KLF12: variants seen among roughly 807,000 people sequenced by gnomAD.
KLF12 encodes KLF transcription factor 12.
In KLF12, 9 loss-of-function variants were observed where a neutral mutation model predicts 37.8. The ratio of observed to expected loss-of-function variants is 0.24; its 90% confidence interval spans 0.14 to 0.42. KLF12 has a LOEUF of 0.42. KLF12 is among the 10% of genes least tolerant of loss of function. KLF12 has a pLI of 1.00. For synonymous variants in KLF12, 208 were observed against 202.1 expected, an observed-to-expected ratio of 1.03 and a Z score of -0.25; for missense variants, 411 against 516.0, an observed-to-expected ratio of 0.80 and a Z score of 1.97.
chr13:74,026,875 C>G (rs994361363), intron 1 of KLF12, among the ~76,000 whole-genome samples: 1 of 152,174 alleles, frequency 6.6e-6, no homozygotes, highest in Non-Finnish European at 1.5e-5. Flanking sequence ...GCTAGTCCCA[C>G]GGTGAAGTCA....
Position 73,994,997 on chromosome 13 carries a change from GT to G in KLF12, c.25del (p.Thr9GlnfsTer2). On this transcript the variant is annotated frameshift_variant, in exon 2 of 8. Coordinates refer to ENST00000377669, the MANE Select transcript of KLF12 (RefSeq NM_007249.5). LOFTEE classifies it high-confidence loss of function. ...AACATCTGACTAACCAACCTTTATT[GT>G]TTTTCTCTTCATATGGATATTCATT... 6.3e-7 allele frequency: 1 copy of G among 1,599,912 alleles called. No homozygotes were observed. Among genetic ancestry groups the G allele is most frequent in the Admixed American group, 1.7e-5 (1 of 59,694 alleles).
intron 4 of KLF12, among the ~76,000 whole-genome samples, chr13:73,815,953 T>C (rs1164601137): frequency 6.6e-6 from 1 of 152,232 alleles, no homozygotes; most frequent in African/African-American, 2.4e-5. Context: ...ATATGTTAAA[T>C]ATGATATCTT....
chr13:74,205,178 T>C, the KLF12 span, among the ~76,000 whole-genome samples: 3 of 152,108 alleles, frequency 2.0e-5, no homozygotes, highest in East Asian at 3.9e-4. Context: ...CCTAAGGACA[T>C]AGACTGATAG....
intron 3 of KLF12, among the ~76,000 whole-genome samples, chr13:73,930,593 G>A (rs1175579163): frequency 2.6e-5 from 4 of 152,208 alleles, no homozygotes; most frequent in Admixed American, 1.3e-4. Context: ...GTTTTTAGTA[G>A]TTCATGTTTA....
chr13:74,141,251 T>C, the KLF12 span, among the ~76,000 whole-genome samples: 1 of 152,214 alleles, frequency 6.6e-6, no homozygotes, highest in African/African-American at 2.4e-5. Flanking sequence ...CGATCTTATA[T>C]TTCATTCCTT....
chr13:73,806,113 TTTC>T (rs1165317171), intron 5 of KLF12, among the ~76,000 whole-genome samples: 10 of 103,876 alleles, frequency 9.6e-5, no homozygotes, highest in Admixed American at 3.6e-4. Context: ...TTTTTTTTTC[TTTC>T]TTTTTTTTTT....
intron 2 of KLF12, among the ~76,000 whole-genome samples, chr13:73,976,719 T>A (rs1265795440): frequency 1.3e-5 from 2 of 152,220 alleles, no homozygotes; most frequent in Non-Finnish European, 2.9e-5. Flanking sequence ...GGAGGATGTA[T>A]GTTAAAGTCA....
At chr13:73,898,990 A>C (rs1184012882) in intron 3 of KLF12, among the ~76,000 whole-genome samples, 1 of 152,212 alleles carries the variant, frequency 6.6e-6, no homozygotes, top group Non-Finnish European at 1.5e-5. Context: ...ACTGCAGCAG[A>C]AAGAGGCAAT....
At chr13:74,188,175 T>C in the KLF12 span, among the ~76,000 whole-genome samples, 8 of 152,176 alleles carry the variant, frequency 5.3e-5, no homozygotes, top group Admixed American at 6.5e-5. Context: ...TACCTGATTC[T>C]TAGATAAGTT....
chr13:73,793,197 T>C (rs960328706), intron 5 of KLF12, among the ~76,000 whole-genome samples: 17 of 152,320 alleles, frequency 1.1e-4, no homozygotes, highest in African/African-American at 4.1e-4. Flanking sequence ...ATTCACCATC[T>C]CAAGGATCTC....
At chr13:73,828,570 C>T (rs1016456366) in intron 4 of KLF12, among the ~76,000 whole-genome samples, 5 of 152,150 alleles carry the variant, frequency 3.3e-5, no homozygotes, top group Non-Finnish European at 7.3e-5. Context: ...ATTCACACCA[C>T]CCTGCTCAGG....
chr13:74,220,461 A>G, the KLF12 span, among the ~76,000 whole-genome samples: 1 of 152,230 alleles, frequency 6.6e-6, no homozygotes, highest in African/African-American at 2.4e-5. Flanking sequence ...TGATATATGT[A>G]TACAAAGTGG....
the KLF12 span, among the ~76,000 whole-genome samples, chr13:74,261,796 G>GA: frequency 6.6e-6 from 1 of 152,136 alleles, no homozygotes; most frequent in African/African-American, 2.4e-5. Context: ...CTATCTTTCT[G>GA]AAAAAATATG....
intron 5 of KLF12, among the ~76,000 whole-genome samples, chr13:73,770,444 A>G (rs1055429083): frequency 3.3e-5 from 5 of 152,182 alleles, no homozygotes; most frequent in African/African-American, 1.2e-4. Flanking sequence ...TTTATACTAA[A>G]ATTTCTCTCA....
intron 3 of KLF12, among the ~76,000 whole-genome samples, chr13:73,871,414 T>C (rs936117992): frequency 6.6e-6 from 1 of 152,154 alleles, no homozygotes; most frequent in Non-Finnish European, 1.5e-5. Flanking sequence ...TCCTGTACCA[T>C]ACACTAACTG....
intron 2 of KLF12, among the ~76,000 whole-genome samples, chr13:73,989,507 G>A (rs145943491): frequency 3.1e-4 from 47 of 152,268 alleles, no homozygotes; most frequent in South Asian, 4.1e-4. Flanking sequence ...GGGTTCATGC[G>A]CTCCCTCATG....
chr13:74,298,443 G>C, the KLF12 span, among the ~76,000 whole-genome samples: 1 of 152,306 alleles, frequency 6.6e-6, no homozygotes, highest in East Asian at 1.9e-4. Flanking sequence ...CGTTTCAAAT[G>C]CTCCACAGCC....
At position 73,694,091 on chromosome 13, in the gene KLF12, A is replaced by G. The variant is rs949851473; in HGVS notation, c.*1399T>C. ...ATACAGTTTAGAAAATGAAATCGGTATAGAAGAACCTATTGGAGAGTCACT... is the reference window on the plus strand; with the variant it reads ...ATACAGTTTAGAAAATGAAATCGGTGTAGAAGAACCTATTGGAGAGTCACT... On this transcript the variant is annotated 3_prime_UTR_variant, in exon 8 of 8. Coordinates refer to ENST00000377669, the MANE Select transcript of KLF12 (RefSeq NM_007249.5). 6.6e-6 allele frequency: 1 copy of G among 152,612 alleles called. No homozygotes were observed. The highest frequency in any genetic ancestry group is 1.5e-5 in the Non-Finnish European group (1 of 68,034). The allele number at this position is 152,612 out of a possible 1,614,324, so 9.5% of individuals were successfully genotyped here. A position where few individuals can be genotyped will look rare whatever the true frequency, so the allele number is the denominator to read the frequency against.
At chr13:74,065,251 ACT>A (rs1166688179) in intron 1 of KLF12, among the ~76,000 whole-genome samples, 2 of 151,706 alleles carry the variant, frequency 1.3e-5, no homozygotes, top group African/African-American at 4.8e-5. Flanking sequence ...CACACTGTAT[ACT>A]ACTCTGTATC....
Sources: gnomAD v4.1 joint callset for allele counts (sites outside exome capture counted in the v4.1 genomes callset) on GRCh38, gnomAD v4.1.1 for gene constraint, MANE v1.5 for transcripts, NCBI Gene and HGNC (gene_info 2026-07-23, HGNC 2026-07-21) for gene names.